The following FAM81A variants were observed in gnomAD, a reference collection of about 807,000 sequenced individuals.
The protein encoded by FAM81A is family with sequence similarity 81 member A.
FAM81A carries 19 observed loss-of-function variants against 46.7 expected under a neutral mutation model. The observed-to-expected ratio is 0.41, with a 90% CI of 0.28 to 0.60. FAM81A has a LOEUF of 0.60. FAM81A is among the 20% of genes least tolerant of loss of function. The pLI is 0.34. For synonymous variants in FAM81A, 183 were observed against 152.9 expected, an observed-to-expected ratio of 1.20 and a Z score of -1.45; for missense variants, 377 against 453.5, an observed-to-expected ratio of 0.83 and a Z score of 1.53.
At chr15:59,400,536 C>T (rs1387960316) in intron 1 of FAM81A, among the ~76,000 whole-genome samples, 2 of 152,158 alleles carry the variant, frequency 1.3e-5, no homozygotes, top group East Asian at 3.9e-4. Flanking sequence ...TCCTTCTCCA[C>T]CTCTTGAAAC....
chr15:59,465,548 C>T (rs754966529), intron 3 of FAM81A, among the ~76,000 whole-genome samples: 4 of 152,178 alleles, frequency 2.6e-5, no homozygotes, highest in Non-Finnish European at 4.4e-5. Flanking sequence ...GCTGGGATTA[C>T]GGGCATGAGC....
At chr15:59,427,083 G>C (rs1359085781) in intron 2 of FAM81A, among the ~76,000 whole-genome samples, 1 of 152,048 alleles carries the variant, frequency 6.6e-6, no homozygotes. Context: ...CCTCCCTATA[G>C]TGCTCTACTT....
At chr15:59,429,350 A>T (rs1567040954) in intron 2 of FAM81A, among the ~76,000 whole-genome samples, 1 of 152,216 alleles carries the variant, frequency 6.6e-6, no homozygotes, top group African/African-American at 2.4e-5. Flanking sequence ...TTTCATTATA[A>T]GAAATTTTCT....
chr15:59,411,507 C>T (rs895143544), intron 2 of FAM81A, among the ~76,000 whole-genome samples: 27 of 152,330 alleles, frequency 1.8e-4, no homozygotes, highest in African/African-American at 6.3e-4. Context: ...GCAACAAACT[C>T]AGCACAGCTG....
At chr15:59,412,529 T>C (rs1023587572) in intron 2 of FAM81A, among the ~76,000 whole-genome samples, 2 of 151,984 alleles carry the variant, frequency 1.3e-5, no homozygotes, top group Non-Finnish European at 1.5e-5. Flanking sequence ...AATTTAAGAT[T>C]AGCCTCGGCA....
intron 3 of FAM81A, among the ~76,000 whole-genome samples, chr15:59,469,139 C>T (rs1386474881): frequency 6.6e-6 from 1 of 152,086 alleles, no homozygotes; most frequent in Non-Finnish European, 1.5e-5. Context: ...ATTATGTGGT[C>T]AATTTTAGAA....
intron 2 of FAM81A, among the ~76,000 whole-genome samples, chr15:59,420,038 G>A (rs1350883536): frequency 6.6e-6 from 1 of 152,184 alleles, no homozygotes; most frequent in African/African-American, 2.4e-5. Context: ...AATGCCTCAT[G>A]CATACTGGAT....
intron 3 of FAM81A, among the ~76,000 whole-genome samples, chr15:59,474,000 T>G (rs7181716): frequency 0.49 from 74,426 of 151,948 alleles, 19,142 homozygotes; most frequent in Non-Finnish European, 0.58. Context: ...ATACATAATT[T>G]CCAACTTCAG....
intron 5 of FAM81A, among the ~76,000 whole-genome samples, chr15:59,508,028 C>A (rs563664340): frequency 1.4e-4 from 21 of 152,208 alleles, no homozygotes; most frequent in African/African-American, 4.8e-4. Flanking sequence ...TACATTTATA[C>A]CTTAATCATC....
rs532732073 is a variant in FAM81A at position 59,479,283 on chromosome 15, C to T, written c.295-12988C>T. On this transcript the variant is annotated intron_variant, in intron 3 of 8. Transcript: ENST00000288228. ...TCCCAGCACTTTTGGGAGGCCGAGG[C>T]GTGCAGATCACGAGGTCAGGAGTTC... is the stretch of plus-strand genomic sequence containing the variant. Among the ~76,000 whole-genome samples the T allele has an allele frequency of 1.4e-4, 21 of 152,026 alleles. No homozygotes were observed. The South Asian group carries it at 1.7e-3, about 12-fold the overall frequency.
intron 3 of FAM81A, among the ~76,000 whole-genome samples, chr15:59,481,523 C>T (rs1198770631): frequency 6.6e-6 from 1 of 152,070 alleles, no homozygotes; most frequent in East Asian, 1.9e-4. Flanking sequence ...TCTTAATACA[C>T]AGCTGGAATC....
intron 1 of FAM81A, among the ~76,000 whole-genome samples, chr15:59,441,026 C>G (rs764456882): frequency 3.9e-4 from 60 of 152,146 alleles, no homozygotes; most frequent in Non-Finnish European, 8.1e-4. Flanking sequence ...CCTCAAGGCC[C>G]CCAAGCATCT....
intron 2 of FAM81A, among the ~76,000 whole-genome samples, chr15:59,405,716 G>A (rs1185191594): frequency 1.3e-5 from 2 of 152,094 alleles, no homozygotes; most frequent in Non-Finnish European, 2.9e-5. Context: ...TTCAGCATAA[G>A]TGCACTCCAC....
intron 2 of FAM81A, among the ~76,000 whole-genome samples, chr15:59,408,723 G>A (rs183331477): frequency 2.6e-5 from 4 of 152,302 alleles, no homozygotes; most frequent in Admixed American, 6.5e-5. Flanking sequence ...CAGCTACTCC[G>A]GAGGCTGAGG....
Position 59,465,334 on chromosome 15 carries a change from G to A in FAM81A, c.294+5128G>A, listed in dbSNP as rs148346455. Among the ~76,000 whole-genome samples, 1,444 of 152,252 alleles carry A rather than the reference G, an allele frequency of 9.5e-3. 20 individuals are homozygous for A. Among genetic ancestry groups the A allele is most frequent in the African/African-American group, 0.033 (1,375 of 41,532 alleles). Reference sequence around the variant, plus strand: ...TTTGCCCAGGCTAGAGTGCAGTGGCGTGATATTGGCTCACGGCAACCTCAG... The same window carrying A: ...TTTGCCCAGGCTAGAGTGCAGTGGCATGATATTGGCTCACGGCAACCTCAG... On this transcript the variant is annotated intron_variant, in intron 3 of 8. Coordinates refer to ENST00000288228, the MANE Select transcript of FAM81A (RefSeq NM_152450.3).
At chr15:59,498,185 T>A (rs1024509976) in intron 4 of FAM81A, among the ~76,000 whole-genome samples, 3 of 152,236 alleles carry the variant, frequency 2.0e-5, no homozygotes, top group Non-Finnish European at 2.9e-5. Context: ...AATGTGGATA[T>A]CTTTCCATTT....
intron 3 of FAM81A, among the ~76,000 whole-genome samples, chr15:59,482,013 G>A (rs1029144232): frequency 6.0e-4 from 91 of 152,170 alleles, no homozygotes; most frequent in African/African-American, 2.2e-3. Flanking sequence ...AAATTGAGCA[G>A]AAAGTATACT....
At chr15:59,475,150 CTTTTT>C in intron 3 of FAM81A, among the ~76,000 whole-genome samples, 1 of 145,588 alleles carries the variant, frequency 6.9e-6, no homozygotes, top group African/African-American at 2.5e-5. Flanking sequence ...TTTCCAAAAC[CTTTTT>C]TTTTTTTGAG....
At chr15:59,485,450 G>A (rs1226608672) in intron 3 of FAM81A, among the ~76,000 whole-genome samples, 1 of 152,146 alleles carries the variant, frequency 6.6e-6, no homozygotes. Flanking sequence ...AGAAAGTAAG[G>A]GAAGGGAAGG....
Sources: gnomAD v4.1 joint callset for allele counts (sites outside exome capture counted in the v4.1 genomes callset) on GRCh38, gnomAD v4.1.1 for gene constraint, MANE v1.5 for transcripts, NCBI Gene and HGNC (gene_info 2026-07-23, HGNC 2026-07-21) for gene names.